Variants in CDKL5 observed in about 807,000 individuals in gnomAD.
CDKL5 encodes the protein cyclin-dependent kinase-like 5.
A neutral mutation model predicts 61.7 loss-of-function variants in CDKL5; 8 were observed. The ratio of observed to expected loss-of-function variants is 0.13; its 90% confidence interval spans 0.08 to 0.23. The LOEUF (loss-of-function observed/expected upper bound fraction) is 0.23, where lower values mean the gene tolerates loss of function less well. Among genes scored for constraint, CDKL5 ranks in the 10% least tolerant of loss-of-function variants. The pLI is 1.00. For missense variants in CDKL5, 440 were observed against 734.5 expected (o/e 0.60, Z 4.63); for synonymous variants, 275 against 272.3 (o/e 1.01, Z -0.10).
chrX:18,611,444 A>C (rs1359044625), intron 14 of CDKL5, among the ~76,000 whole-genome samples: 6 of 109,691 alleles, frequency 5.5e-5, no homozygotes, highest in African/African-American at 2.0e-4. Context: ...CAAAACAAAA[A>C]AAAAAAAAAA....
chrX:18,645,149 GTTT>G (rs1392128590), downstream of CDKL5, among the ~76,000 whole-genome samples: 1 of 112,375 alleles, frequency 8.9e-6, no homozygotes, highest in East Asian at 2.8e-4. Context: ...CAACTAAGTT[GTTT>G]TTTTAGCTAC....
intron 3 of CDKL5, among the ~76,000 whole-genome samples, chrX:18,561,635 A>G (rs1426738232): frequency 1.8e-5 from 2 of 110,925 alleles, no homozygotes; most frequent in African/African-American, 6.5e-5. Flanking sequence ...AGTAGCCTAT[A>G]CTAGACTAGG....
At chrX:18,566,564 G>A (rs772211098) in intron 4 of CDKL5, among the ~76,000 whole-genome samples, 2 of 112,276 alleles carry the variant, frequency 1.8e-5, no homozygotes. Flanking sequence ...GATACCTTTA[G>A]AGTGGAAATC....
chrX:18,529,663 A>G (rs144706307), intron 3 of CDKL5, among the ~76,000 whole-genome samples: 1,529 of 110,522 alleles, frequency 0.014, 15 homozygotes, highest in Non-Finnish European at 0.02. Context: ...TCAACATTTT[A>G]TAAATATTTC....
Position 18,629,758 on chromosome X carries a change from G to T in CDKL5, c.*1001G>T. The T allele has an allele frequency of 1.3e-6, 1 of 754,408 alleles. No homozygotes were observed. Among genetic ancestry groups the T allele is most frequent in the South Asian group, 6.7e-5 (1 of 14,860 alleles). The allele number at this position is 754,408 out of a possible 1,213,427, so 62.2% of individuals were successfully genotyped here. A position where few individuals can be genotyped will look rare whatever the true frequency, so the allele number is the denominator to read the frequency against. On this transcript the variant is annotated 3_prime_UTR_variant, in exon 18 of 18. Transcript: ENST00000623535. The stretch of plus-strand genomic sequence containing the variant: ...GAGAATTCCAGCAGGCCTGGTTTCC[G>T]TCCTCACACACTTGGCTCCTGTTTG...
intron 3 of CDKL5, among the ~76,000 whole-genome samples, chrX:18,555,381 C>T (rs1924564432): frequency 1.8e-5 from 2 of 112,081 alleles, no homozygotes; most frequent in Admixed American, 1.9e-4. Context: ...ATGCTAGTTA[C>T]ATGATTTTTA....
chrX:18,460,271 C>T (rs995172364), intron 1 of CDKL5, among the ~76,000 whole-genome samples: 7 of 110,369 alleles, frequency 6.3e-5, no homozygotes, highest in Admixed American at 9.7e-5. Context: ...AGCGGGGTGC[C>T]GTAGGGGGGA....
chrX:18,440,977 C>T (rs761593385), intron 1 of CDKL5, among the ~76,000 whole-genome samples: 7 of 111,215 alleles, frequency 6.3e-5, no homozygotes, highest in East Asian at 2.8e-4. Flanking sequence ...TATGAATTTT[C>T]GCCTCCTTTT....
chrX:18,437,369 T>A (rs1931632936), intron 1 of CDKL5, among the ~76,000 whole-genome samples: 1 of 112,309 alleles, frequency 8.9e-6, no homozygotes, highest in African/African-American at 3.2e-5. Flanking sequence ...TAGAATATTT[T>A]TTCTAACAGC....
At chrX:18,434,900 C>T (rs1348969391) in intron 1 of CDKL5, among the ~76,000 whole-genome samples, 1 of 111,897 alleles carries the variant, frequency 8.9e-6, no homozygotes, top group Non-Finnish European at 1.9e-5. Context: ...TGTACTCCAG[C>T]CTGGGCCACA....
intron 16 of CDKL5, among the ~76,000 whole-genome samples, 172 bp downstream of exon 16, chrX:18,620,138 G>A (rs1926846661): frequency 8.9e-6 from 1 of 111,997 alleles, no homozygotes; most frequent in African/African-American, 3.2e-5. Context: ...TCTCAACAGA[G>A]CCTTTTCTAC....
intron 8 of CDKL5, among the ~76,000 whole-genome samples, chrX:18,586,492 C>T (rs1925648268): frequency 9.0e-6 from 1 of 111,507 alleles, no homozygotes; most frequent in African/African-American, 3.2e-5. Context: ...TTAATAATAC[C>T]TGTAGAAAAA....
In CDKL5 at chrX:18,646,079, CA is replaced by C; in HGVS notation, c.2787del (p.Glu930AsnfsTer70). 8.3e-7 allele frequency: 1 copy of C among 1,211,836 alleles called. No individual in the cohort carries two copies. Among genetic ancestry groups the C allele is most frequent in the Non-Finnish European group, 1.1e-6 (1 of 895,511 alleles). On this transcript the variant is annotated frameshift_variant, in exon 20 of 22. Coordinates refer to the CDKL5 transcript ENST00000379989. LOFTEE classifies it high-confidence loss of function. ...GATAGACGCTTCATGTTAAGGACGA[CA>C]GAACAACAAGGTAGAGTCTGGGCCC...
At position 18,538,089 on chromosome X, in the gene CDKL5, C is replaced by T. The variant is rs763013050; in HGVS notation, c.100-26388C>T. 2.6e-4 allele frequency among the ~76,000 whole-genome samples: 29 copies of T among 111,977 alleles called. No homozygotes were observed. In the South Asian group the frequency reaches 0.011, roughly 41 times the overall value. ...GTGAGGAATCTAGTTTCTTCACATG[C>T]TTACCGGCATTTTGTATTATCACTA... On this transcript the variant is annotated intron_variant, in intron 3 of 17. Coordinates refer to ENST00000623535, the MANE Select transcript of CDKL5 (RefSeq NM_001323289.2).
At chrX:18,609,854 G>A (rs1023498861) in intron 14 of CDKL5, among the ~76,000 whole-genome samples, 30 of 111,878 alleles carry the variant, frequency 2.7e-4, no homozygotes, top group African/African-American at 9.4e-4. Flanking sequence ...ATTTTGTTCT[G>A]TCAAGCCATA....
In CDKL5 at chrX:18,632,742, A is replaced by G; in HGVS notation, c.*3985A>G. On this transcript the variant is annotated 3_prime_UTR_variant, in exon 18 of 18. Coordinates refer to ENST00000623535, the MANE Select transcript of CDKL5 (RefSeq NM_001323289.2). ...TAAAGTATGTTGTGGTTGTAGAGTTAGCCAGTTTAGCATGTTCCTAATCTG... is the reference window on the plus strand; with the variant it reads ...TAAAGTATGTTGTGGTTGTAGAGTTGGCCAGTTTAGCATGTTCCTAATCTG... 1 of 754,456 alleles carries G rather than the reference A, an allele frequency of 1.3e-6. No homozygotes were observed. Among genetic ancestry groups the G allele is most frequent in the Non-Finnish European group, 1.6e-6 (1 of 639,284 alleles). 62.2% of individuals were successfully genotyped at this position (754,456 alleles called of 1,213,427 possible). A position where few individuals can be genotyped will look rare whatever the true frequency, so the allele number is the denominator to read the frequency against.
chrX:18,635,316 G>C lies in CDKL5; in HGVS notation c.*6559G>C, dbSNP rs757331469. 9.3e-6 allele frequency: 7 copies of C among 750,217 alleles called. No homozygotes were observed. The highest frequency in any genetic ancestry group is 1.1e-5 in the Non-Finnish European group (7 of 635,808). The allele number at this position is 750,217 out of a possible 1,213,427, so 61.8% of individuals were successfully genotyped here. On this transcript the variant is annotated 3_prime_UTR_variant, in exon 18 of 18. Coordinates refer to ENST00000623535, the MANE Select transcript of CDKL5 (RefSeq NM_001323289.2). Reference sequence around the variant, plus strand: ...TAACCTTCATTATCAGCATGAAATGGTTAATTTTTACTGAGCACAATGTAT... The same window carrying C: ...TAACCTTCATTATCAGCATGAAATGCTTAATTTTTACTGAGCACAATGTAT...
At chrX:18,541,530 T>C (rs1266832768) in intron 3 of CDKL5, among the ~76,000 whole-genome samples, 2 of 111,906 alleles carry the variant, frequency 1.8e-5, no homozygotes, top group African/African-American at 6.5e-5. Flanking sequence ...TTGTTGTTGT[T>C]GTTCGTTTTT....
At position 18,456,802 on chromosome X, in the gene CDKL5, C is replaced by T. The variant is rs752747037; in HGVS notation, c.-163+31107C>T. ...TACTTCCATCTCTAGCCTTCTTCCTCTGCAATAATCTTTATTTTCCTTAAC... is the reference window on the plus strand; with the variant it reads ...TACTTCCATCTCTAGCCTTCTTCCTTTGCAATAATCTTTATTTTCCTTAAC... On this transcript the variant is annotated intron_variant, in intron 1 of 17. Coordinates refer to ENST00000623535, the MANE Select transcript of CDKL5 (RefSeq NM_001323289.2). Among the ~76,000 whole-genome samples, 458 of 111,864 alleles carry T rather than the reference C, an allele frequency of 4.1e-3. 2 individuals are homozygous for T. The highest frequency in any genetic ancestry group is 0.014 in the African/African-American group (444 of 30,844).
Sources: gnomAD v4.1 joint callset for allele counts (sites outside exome capture counted in the v4.1 genomes callset) on GRCh38, gnomAD v4.1.1 for gene constraint, MANE v1.5 for transcripts, NCBI Gene and HGNC (gene_info 2026-07-23, HGNC 2026-07-21) for gene names.